Variants in MAP4K5 observed in about 807,000 individuals in gnomAD.
MAP4K5 encodes the protein mitogen-activated protein kinase kinase kinase kinase 5, also known as MAPK/ERK kinase kinase kinase 5.
Under a neutral mutation model 135.6 loss-of-function variants are expected in MAP4K5, and 82 were observed. The ratio of observed to expected loss-of-function variants is 0.60; its 90% confidence interval spans 0.51 to 0.73. MAP4K5 has a LOEUF of 0.73. Ranked by LOEUF, MAP4K5 falls within the 30% of genes least tolerant of loss-of-function variation. MAP4K5 has a pLI of 0.00. For missense variants in MAP4K5, 907 were observed against 1,010.9 expected (o/e 0.90, Z 1.39); for synonymous variants, 347 against 335.0 (o/e 1.04, Z -0.39).
chr14:50,453,384 A>T (rs981685324), intron 14 of MAP4K5, among the ~76,000 whole-genome samples: 4 of 152,196 alleles, frequency 2.6e-5, no homozygotes, highest in African/African-American at 9.6e-5. Context: ...AAGGACAGAC[A>T]CAAATCCAAA....
intron 16 of MAP4K5, among the ~76,000 whole-genome samples, chr14:50,447,147 G>C (rs2036372609): frequency 6.6e-6 from 1 of 152,070 alleles, no homozygotes; most frequent in Non-Finnish European, 1.5e-5. Context: ...TTTTAACTCT[G>C]TTACAGTATT....
chr14:50,501,913 T>C (rs140411348), intron 3 of MAP4K5, among the ~76,000 whole-genome samples: 13 of 152,284 alleles, frequency 8.5e-5, no homozygotes, highest in African/African-American at 2.6e-4. Flanking sequence ...CTCTTCTACA[T>C]TCCTATCCTC....
At chr14:50,512,354 A>AT (rs200328663) in intron 2 of MAP4K5, among the ~76,000 whole-genome samples, 2,810 of 152,212 alleles carry the variant, frequency 0.018, 43 homozygotes, top group Non-Finnish European at 0.029. Context: ...GGATACCTTG[A>AT]TTTTTTTAGA....
At chr14:50,510,960 C>T (rs952042334) in intron 2 of MAP4K5, among the ~76,000 whole-genome samples, 2 of 152,100 alleles carry the variant, frequency 1.3e-5, no homozygotes, top group Non-Finnish European at 2.9e-5. Flanking sequence ...TGGCATGTAC[C>T]CAACTGAGCT....
chr14:50,530,807 G>C (rs542085180), intron 2 of MAP4K5, among the ~76,000 whole-genome samples: 62 of 95,972 alleles, frequency 6.5e-4, no homozygotes, highest in Non-Finnish European at 9.4e-4. Context: ...TATCTCAGTA[G>C]AATCAAACAG....
At chr14:50,496,940 CTTAA>C (rs1187319088) in intron 3 of MAP4K5, among the ~76,000 whole-genome samples, 1 of 152,090 alleles carries the variant, frequency 6.6e-6, no homozygotes, top group East Asian at 1.9e-4. Context: ...AATTAGATCT[CTTAA>C]TTAATATTTG....
chr14:50,556,443 C>T (rs1227253950), intron 1 of MAP4K5, among the ~76,000 whole-genome samples: 1 of 152,034 alleles, frequency 6.6e-6, no homozygotes, highest in Non-Finnish European at 1.5e-5. Context: ...GTCTCGAACT[C>T]CTGGCCTCAA....
intron 2 of MAP4K5, among the ~76,000 whole-genome samples, chr14:50,520,976 C>A (rs1407405768): frequency 1.3e-5 from 2 of 152,106 alleles, no homozygotes; most frequent in African/African-American, 4.8e-5. Flanking sequence ...GCTTCCACCA[C>A]CACACCCAGC....
At chr14:50,507,863 T>G (rs981244545) in intron 2 of MAP4K5, among the ~76,000 whole-genome samples, 3 of 152,182 alleles carry the variant, frequency 2.0e-5, no homozygotes, top group African/African-American at 4.8e-5. Context: ...GTCTATTGGG[T>G]CTGCTTGGTG....
intron 1 of MAP4K5, among the ~76,000 whole-genome samples, chr14:50,546,367 T>G (rs956358574): frequency 1.1e-4 from 16 of 151,392 alleles, no homozygotes; most frequent in African/African-American, 3.9e-4. Flanking sequence ...AGGTACTGGG[T>G]GTGTGTGTGT....
chr14:50,493,331 A>C (rs1290064522), intron 3 of MAP4K5, among the ~76,000 whole-genome samples: 1 of 152,188 alleles, frequency 6.6e-6, no homozygotes, highest in African/African-American at 2.4e-5. Context: ...CACCATGAGC[A>C]TTTTGATTTT....
At chr14:50,470,353 T>G (rs1256919571) in intron 9 of MAP4K5, among the ~76,000 whole-genome samples, 9 of 152,110 alleles carry the variant, frequency 5.9e-5, no homozygotes, top group Non-Finnish European at 1.3e-4. Flanking sequence ...TAGTAGTATT[T>G]CACCTGATAT....
intron 1 of MAP4K5, chr14:50,560,095 C>G: frequency 1.4e-6 from 1 of 713,090 alleles, no homozygotes; most frequent in Non-Finnish European, 2.4e-6. Context: ...TCTGCTTTCT[C>G]CTCCCTTTTC....
At chr14:50,533,097 T>C (rs142215903), upstream of MAP4K5, 34 of 152,550 alleles carry the variant, frequency 2.2e-4, no homozygotes, top group African/African-American at 7.9e-4. Flanking sequence ...GAGGCTGCAC[T>C]GCACACCTGC....
intron 2 of MAP4K5, among the ~76,000 whole-genome samples, chr14:50,523,683 G>A (rs889261538): frequency 2.6e-5 from 4 of 151,806 alleles, no homozygotes; most frequent in Non-Finnish European, 4.4e-5. Context: ...TCCTTGTAAC[G>A]TATTATACAA....
At chr14:50,534,893 T>G (rs2038473339), upstream of MAP4K5, among the ~76,000 whole-genome samples, 1 of 152,206 alleles carries the variant, frequency 6.6e-6, no homozygotes, top group African/African-American at 2.4e-5. Flanking sequence ...GTACACTGAG[T>G]AAATTTAATT....
At chr14:50,462,603 G>A in intron 13 of MAP4K5, 62 bp downstream of exon 13, 3 of 1,152,588 alleles carry the variant, frequency 2.6e-6, no homozygotes, top group Non-Finnish European at 3.8e-6. Context: ...AGAAAAAAAA[G>A]CAAACTTTAA....
chr14:50,450,472 A>G (rs1362889071), intron 14 of MAP4K5: 1 of 152,142 alleles, frequency 6.6e-6, no homozygotes, highest in Non-Finnish European at 1.5e-5. Flanking sequence ...AAACTAGGAC[A>G]CAAGAAAATG....
In MAP4K5 at chr14:50,482,367, G is replaced by A. The variant is rs1352951359; in HGVS notation, c.372C>T (p.Thr124=). Residue 124 remains threonine (T), a synonymous_variant, in exon 6 of 33, where the codon ACC becomes ACT. Coordinates refer to ENST00000682126, the MANE Select transcript of MAP4K5 (RefSeq NM_006575.6). ...ELQIAYVCRE[T]LQGLAYLHTK... The stretch of plus-strand genomic sequence containing the variant: ...TATTAAGAAAATATAGTACCTGTAA[G>A]GTTTCTCTGCATACATAGGCTATTT... 9 of 1,508,488 alleles carry A rather than the reference G, an allele frequency of 6.0e-6. No individual in the cohort carries two copies. Among genetic ancestry groups the A allele is most frequent in the Non-Finnish European group, 7.1e-6 (8 of 1,129,942 alleles). 93.4% of individuals were successfully genotyped at this position (1,508,488 alleles called of 1,614,324 possible).
Sources: allele counts gnomAD v4.1 joint callset (sites outside exome capture counted in the v4.1 genomes callset), GRCh38; gene constraint gnomAD v4.1.1; transcripts MANE v1.5; gene names NCBI Gene and HGNC (gene_info 2026-07-23, HGNC 2026-07-21).